Variants in SNTG1 observed in about 807,000 individuals in gnomAD.
The protein encoded by SNTG1 is syntrophin gamma 1.
In SNTG1, 39 loss-of-function variants were observed where a neutral mutation model predicts 74.7. That is an observed-to-expected ratio of 0.52 (90% CI 0.40 to 0.68). The LOEUF (loss-of-function observed/expected upper bound fraction) is 0.68, where lower values mean the gene tolerates loss of function less well. Ranked by LOEUF, SNTG1 falls within the 30% of genes least tolerant of loss-of-function variation. SNTG1 has a pLI of 0.00. For synonymous variants in SNTG1, 254 were observed against 217.1 expected, an observed-to-expected ratio of 1.17 and a Z score of -1.49; for missense variants, 685 against 609.5, an observed-to-expected ratio of 1.12 and a Z score of -1.30.
At chr8:50,718,035 G>A (rs146746742) in intron 17 of SNTG1, among the ~76,000 whole-genome samples, 3 of 152,280 alleles carry the variant, frequency 2.0e-5, no homozygotes, top group African/African-American at 7.2e-5. Flanking sequence ...TTAGCCCAAT[G>A]AAGATTGATG....
chr8:49,940,799 T>C (rs1159280963), intron 1 of SNTG1, among the ~76,000 whole-genome samples: 1 of 152,082 alleles, frequency 6.6e-6, no homozygotes, highest in African/African-American at 2.4e-5. Flanking sequence ...TATGTAATCA[T>C]ACATGTGAAA....
intron 15 of SNTG1, among the ~76,000 whole-genome samples, chr8:50,664,182 T>G (rs570640980): frequency 2.0e-5 from 3 of 152,124 alleles, no homozygotes; most frequent in Admixed American, 2.0e-4. Context: ...TTTTAGAAAC[T>G]CATGGCAATT....
chr8:50,590,473 G>A (rs143065407), intron 12 of SNTG1, among the ~76,000 whole-genome samples: 146 of 152,084 alleles, frequency 9.6e-4, no homozygotes, highest in African/African-American at 3.3e-3. Context: ...TTATCCTTTA[G>A]CGTTTGGATA....
rs953267874 is a variant in SNTG1 at position 50,622,102 on chromosome 8, C to T, written c.849+31185C>T. Among the ~76,000 whole-genome samples, 3 of 152,192 alleles carry T rather than the reference C, an allele frequency of 2.0e-5. No homozygotes were observed. In the South Asian group the frequency reaches 6.2e-4, roughly 31 times the overall value. On this transcript the variant is annotated intron_variant, in intron 13 of 18. Coordinates refer to ENST00000642720, the MANE Select transcript of SNTG1 (RefSeq NM_018967.5). ...CTCAAGATTTTCCTCATAGGTATTG[C>T]ATCTGCCCCAATCTCTCTGCTTACC...
Position 50,650,837 on chromosome 8 carries a change from A to G in SNTG1, c.850-6072A>G, listed in dbSNP as rs190664208. 2.2e-3 allele frequency among the ~76,000 whole-genome samples: 335 copies of G among 152,122 alleles called. 1 individual carries two copies. The highest frequency in any genetic ancestry group is 3.5e-3 in the Non-Finnish European group (241 of 68,002). On this transcript the variant is annotated intron_variant, in intron 13 of 18. Transcript: ENST00000642720. ...TGCCTCAGTCTCCCGAGCAGCTGGG[A>G]TTACAAGCATCTGCCACCATGCCTG...
At chr8:50,574,496 G>A (rs187247034) in intron 12 of SNTG1, among the ~76,000 whole-genome samples, 1 of 152,058 alleles carries the variant, frequency 6.6e-6, no homozygotes, top group Admixed American at 6.6e-5. Flanking sequence ...AATGGCTCAT[G>A]AGTGTAATAT....
chr8:50,480,615 C>A (rs1434800061), intron 8 of SNTG1, among the ~76,000 whole-genome samples: 3 of 152,096 alleles, frequency 2.0e-5, no homozygotes, highest in Non-Finnish European at 4.4e-5. Flanking sequence ...ATGTTAACAA[C>A]ATAAAAAAGT....
At chr8:50,753,424 T>TTCTGGCA (rs2095572540) in intron 18 of SNTG1, among the ~76,000 whole-genome samples, 1 of 152,022 alleles carries the variant, frequency 6.6e-6, no homozygotes, top group South Asian at 2.1e-4. Context: ...TTCTGTATTA[T>TTCTGGCA]TCTGGCATTT....
intron 12 of SNTG1, among the ~76,000 whole-genome samples, chr8:50,564,161 T>C (rs1442704817): frequency 1.3e-5 from 2 of 151,978 alleles, no homozygotes; most frequent in Admixed American, 6.6e-5. Flanking sequence ...TCCTTTCTGT[T>C]TCTCTCTGAC....
intron 1 of SNTG1, among the ~76,000 whole-genome samples, chr8:49,996,827 C>T (rs1814267936): frequency 1.0e-5 from 1 of 97,800 alleles, no homozygotes; most frequent in South Asian, 3.5e-4. Context: ...GATATAAATT[C>T]CAAGATAGAA....
chr8:50,545,946 C>G (rs2094384514), intron 11 of SNTG1, among the ~76,000 whole-genome samples: 1 of 152,146 alleles, frequency 6.6e-6, no homozygotes, highest in Non-Finnish European at 1.5e-5. Flanking sequence ...ATAGTAAATA[C>G]TTAATTCATG....
At chr8:50,165,524 C>A (rs936017683) in intron 1 of SNTG1, among the ~76,000 whole-genome samples, 1 of 152,156 alleles carries the variant, frequency 6.6e-6, no homozygotes, top group Non-Finnish European at 1.5e-5. Flanking sequence ...GGAAAGAGTA[C>A]AATTGACTTA....
Position 50,407,003 on chromosome 8 carries a change from T to C in SNTG1, c.162+4659T>C, listed in dbSNP as rs148764898. Among the ~76,000 whole-genome samples, 3 of 152,268 alleles carry C rather than the reference T, an allele frequency of 2.0e-5. No homozygotes were observed. In the East Asian group the frequency reaches 5.8e-4, roughly 29 times the overall value. ...AGAAAAACTCCCTTTGTCTGTTTTT[T>C]AAAACCTCCCACTGGTAAAGGCCCG... On this transcript the variant is annotated intron_variant, in intron 4 of 18. Coordinates refer to ENST00000642720, the MANE Select transcript of SNTG1 (RefSeq NM_018967.5).
At position 50,125,643 on chromosome 8, in the gene SNTG1, G is replaced by A. The variant is rs559180353; in HGVS notation, c.-102-46918G>A. On this transcript the variant is annotated intron_variant, in intron 1 of 18. Coordinates refer to ENST00000642720, the MANE Select transcript of SNTG1 (RefSeq NM_018967.5). ...TCACACTATGTCCTAAGAACGGTGC[G>A]AGCTCTGTGGATAGAAGGAAAAGAT... 5.7e-5 allele frequency among the ~76,000 whole-genome samples: 8 copies of A among 141,360 alleles called. 2 individuals are homozygous for A. The highest frequency in any genetic ancestry group is 1.5e-4 in the African/African-American group (6 of 39,036). 92.7% of individuals were successfully genotyped at this position (141,360 alleles called of 152,430 possible).
chr8:50,282,284 C>A (rs1206522228), intron 2 of SNTG1, among the ~76,000 whole-genome samples: 1 of 152,144 alleles, frequency 6.6e-6, no homozygotes, highest in African/African-American at 2.4e-5. Flanking sequence ...ACCCTAAAAC[C>A]AATAAATACT....
At chr8:50,002,175 T>C (rs924586494) in intron 1 of SNTG1, among the ~76,000 whole-genome samples, 14 of 152,146 alleles carry the variant, frequency 9.2e-5, no homozygotes, top group African/African-American at 3.1e-4. Context: ...TGCAGGAAGG[T>C]AATATATCAC....
chr8:50,241,789 T>C (rs2086174155), intron 2 of SNTG1, among the ~76,000 whole-genome samples: 1 of 152,154 alleles, frequency 6.6e-6, no homozygotes, highest in African/African-American at 2.4e-5. Context: ...GATAATGAAC[T>C]TTACAATTAT....
At chr8:50,639,377 C>A (rs2095058130) in intron 13 of SNTG1, among the ~76,000 whole-genome samples, 1 of 151,920 alleles carries the variant, frequency 6.6e-6, no homozygotes, top group Admixed American at 6.6e-5. Flanking sequence ...CTTTAATACA[C>A]ATTTCTGAAA....
chr8:50,335,228 C>T (rs1269663122), intron 2 of SNTG1, among the ~76,000 whole-genome samples: 1 of 152,142 alleles, frequency 6.6e-6, no homozygotes, highest in Non-Finnish European at 1.5e-5. Context: ...TTTCATATTG[C>T]AGTCATAACA....
Sources: allele counts gnomAD v4.1 joint callset (sites outside exome capture counted in the v4.1 genomes callset), GRCh38; gene constraint gnomAD v4.1.1; transcripts MANE v1.5; gene names NCBI Gene and HGNC (gene_info 2026-07-23, HGNC 2026-07-21).